The following DOCK4 variants were observed in gnomAD, a reference collection of about 807,000 sequenced individuals.
DOCK4 encodes dedicator of cytokinesis 4.
In DOCK4, 97 loss-of-function variants were observed where a neutral mutation model predicts 268.1. That is an observed-to-expected ratio of 0.36 (90% confidence interval 0.31 to 0.43). The LOEUF (loss-of-function observed/expected upper bound fraction) is 0.43. Ranked by LOEUF, DOCK4 falls within the 20% of genes least tolerant of loss-of-function variation. The pLI is 1.00. For synonymous variants in DOCK4, 954 were observed against 887.2 expected, an observed-to-expected ratio of 1.08 and a Z score of -1.34; for missense variants, 2,145 against 2,455.7, an observed-to-expected ratio of 0.87 and a Z score of 2.67.
chr7:112,188,500 T>G (rs1340477921), intron 1 of DOCK4, among the ~76,000 whole-genome samples: 1 of 152,250 alleles, frequency 6.6e-6, no homozygotes, highest in Non-Finnish European at 1.5e-5. Context: ...CTAGGTACTT[T>G]AGAATGATGA....
At chr7:111,749,303 A>C (rs1232362912) in intron 42 of DOCK4, among the ~76,000 whole-genome samples, 3 of 152,218 alleles carry the variant, frequency 2.0e-5, no homozygotes, top group Non-Finnish European at 2.9e-5. Flanking sequence ...TTAAAAAGTA[A>C]GCAAAACATC....
intron 30 of DOCK4, among the ~76,000 whole-genome samples, chr7:111,801,194 G>C (rs1381577351): frequency 6.6e-6 from 1 of 152,190 alleles, no homozygotes; most frequent in African/African-American, 2.4e-5. Flanking sequence ...GGACTAAGGT[G>C]GGAGGGCCAG....
chr7:111,877,341 T>C (rs1030116917), intron 16 of DOCK4, among the ~76,000 whole-genome samples, 155 bp from the exon 17 acceptor site: 1 of 152,226 alleles, frequency 6.6e-6, no homozygotes, highest in African/African-American at 2.4e-5. Flanking sequence ...AAAAAAACTG[T>C]ATAAAATAAT....
At chr7:112,036,995 T>C (rs1001525210) in intron 1 of DOCK4, among the ~76,000 whole-genome samples, 1 of 152,154 alleles carries the variant, frequency 6.6e-6, no homozygotes, top group Non-Finnish European at 1.5e-5. Context: ...GTGAAAGCAA[T>C]ACACACTGAC....
At chr7:111,837,917 G>A (rs1216657294) in intron 25 of DOCK4, among the ~76,000 whole-genome samples, 1 of 151,404 alleles carries the variant, frequency 6.6e-6, no homozygotes, top group Non-Finnish European at 1.5e-5. Context: ...TGAAACCTGA[G>A]CTCTACTAAA....
chr7:111,912,801 A>T (rs1398261796), intron 13 of DOCK4, among the ~76,000 whole-genome samples: 2 of 152,136 alleles, frequency 1.3e-5, no homozygotes, highest in Non-Finnish European at 2.9e-5. Flanking sequence ...TCCTAGGGAC[A>T]GTGTGAAATT....
At chr7:111,836,087 A>G (rs952629127) in intron 25 of DOCK4, among the ~76,000 whole-genome samples, 2 of 152,210 alleles carry the variant, frequency 1.3e-5, no homozygotes, top group Non-Finnish European at 2.9e-5. Context: ...AATATTATTA[A>G]TATTTTTGTA....
intron 23 of DOCK4, among the ~76,000 whole-genome samples, chr7:111,861,764 T>A (rs1434183921): frequency 2.1e-5 from 3 of 143,134 alleles, no homozygotes; most frequent in South Asian, 4.3e-4. Flanking sequence ...AAAAAAATAA[T>A]AATAATAATA....
At position 111,863,380 on chromosome 7, in the gene DOCK4, G is replaced by A; in HGVS notation, c.2465C>T (p.Thr822Ile). The change falls in exon 23 of 53, where the codon ACC becomes ATC. Residue 822 changes from threonine to isoleucine, a missense_variant. By Grantham distance (89) the Thr-to-Ile change is moderately conservative (BLOSUM62 -1). Transcript: ENST00000428084. ...IGKTVESQLY[T>I]NPDSRYILLP... Reference sequence around the variant, plus strand: ...CAAGAGACTCACCCTACCTGGGTTGGTATAAAGCTGGCTTTCCACGGTTTT... The same window carrying A: ...CAAGAGACTCACCCTACCTGGGTTGATATAAAGCTGGCTTTCCACGGTTTT... 1.9e-6 allele frequency: 3 copies of A among 1,613,978 alleles called. No homozygotes were observed. Among genetic ancestry groups the A allele is most frequent in the Non-Finnish European group, 2.5e-6 (3 of 1,179,894 alleles).
intron 2 of DOCK4, among the ~76,000 whole-genome samples, chr7:112,002,349 TC>T (rs1800493932): frequency 6.6e-6 from 1 of 152,198 alleles, no homozygotes; most frequent in African/African-American, 2.4e-5. Context: ...GAGGTCTCTG[TC>T]CAATTATACT....
intron 1 of DOCK4, among the ~76,000 whole-genome samples, chr7:112,064,437 GGA>G (rs1806734413): frequency 6.6e-6 from 1 of 152,084 alleles, no homozygotes; most frequent in Admixed American, 6.6e-5. Flanking sequence ...CCCAGCCAGG[GGA>G]GCAAAAAATT....
In DOCK4 at chr7:112,189,649, A is replaced by C. The variant is rs543754992; in HGVS notation, c.37+16453T>G. Reference sequence around the variant, plus strand: ...AAGAGCAGAGGATACAATAAAAATAATACAGTCCTATCTTCACTGAAATTC... The same window carrying C: ...AAGAGCAGAGGATACAATAAAAATACTACAGTCCTATCTTCACTGAAATTC... On this transcript the variant is annotated intron_variant, in intron 1 of 52. Coordinates refer to ENST00000428084, the MANE Select transcript of DOCK4 (RefSeq NM_001363540.2). Among the ~76,000 whole-genome samples the C allele has an allele frequency of 1.2e-4, 18 of 152,312 alleles. 1 individual carries two copies. In the South Asian group the frequency reaches 3.5e-3, roughly 30 times the overall value.
chr7:112,061,784 C>T (rs1173165118), intron 1 of DOCK4, among the ~76,000 whole-genome samples: 1 of 147,606 alleles, frequency 6.8e-6, no homozygotes, highest in East Asian at 2.1e-4. Flanking sequence ...CACACACACA[C>T]GATGTACATG....
chr7:111,826,831 C>T (rs797002123), intron 26 of DOCK4, among the ~76,000 whole-genome samples: 25 of 152,106 alleles, frequency 1.6e-4, no homozygotes, highest in African/African-American at 2.4e-4. Context: ...CTCAGCATCA[C>T]GCAATATATT....
intron 30 of DOCK4, among the ~76,000 whole-genome samples, chr7:111,795,567 T>A (rs1467882928): frequency 1.3e-5 from 2 of 152,190 alleles, no homozygotes; most frequent in Non-Finnish European, 2.9e-5. Flanking sequence ...TTGAAAATGA[T>A]CATGCCTGAA....
At chr7:112,079,345 C>A (rs1808375431) in intron 1 of DOCK4, among the ~76,000 whole-genome samples, 1 of 152,104 alleles carries the variant, frequency 6.6e-6, no homozygotes, top group African/African-American at 2.4e-5. Context: ...TCAACCTGAG[C>A]CAACTGTATT....
intron 35 of DOCK4, 35 bp downstream of exon 35, chr7:111,782,829 G>T: frequency 6.2e-7 from 1 of 1,601,778 alleles, no homozygotes; most frequent in Non-Finnish European, 8.6e-7. Flanking sequence ...ACAAGTATTA[G>T]GAGAAAAGGA....
intron 13 of DOCK4, among the ~76,000 whole-genome samples, chr7:111,910,477 T>G (rs1036771603): frequency 1.3e-5 from 2 of 152,234 alleles, no homozygotes; most frequent in South Asian, 4.1e-4. Flanking sequence ...TTTCAAAGAC[T>G]GAGGTTGAAA....
intron 23 of DOCK4, among the ~76,000 whole-genome samples, chr7:111,860,294 T>C (rs949148176): frequency 6.6e-6 from 1 of 152,244 alleles, no homozygotes; most frequent in African/African-American, 2.4e-5. Flanking sequence ...ACATGTAATT[T>C]AAACAGAAGG....
Sources: gnomAD v4.1 joint callset for allele counts (sites outside exome capture counted in the v4.1 genomes callset) on GRCh38, gnomAD v4.1.1 for gene constraint, MANE v1.5 for transcripts, NCBI Gene and HGNC (gene_info 2026-07-23, HGNC 2026-07-21) for gene names.